ADAM9: variants seen among roughly 807,000 people sequenced by gnomAD.
ADAM9 encodes the protein ADAM metallopeptidase domain 9, also known as disintegrin and metalloproteinase domain-containing protein 9.
Under a neutral mutation model 108.1 loss-of-function variants are expected in ADAM9, and 54 were observed. That is an observed-to-expected ratio of 0.50 (90% confidence interval 0.40 to 0.63). The LOEUF is 0.63. ADAM9 is among the 20% of genes least tolerant of loss of function. ADAM9 has a pLI of 0.00. For missense variants in ADAM9, 830 were observed against 997.7 expected (o/e 0.83, Z 2.26); for synonymous variants, 316 against 336.0 (o/e 0.94, Z 0.65).
intron 4 of ADAM9, chr8:39,015,285 C>G (rs1257216436): frequency 2.6e-5 from 4 of 152,188 alleles, no homozygotes; most frequent in African/African-American, 9.7e-5. Context: ...TTACAAGATG[C>G]TTAGAACAGT....
At chr8:39,017,603 G>C (rs999679985) in intron 6 of ADAM9, among the ~76,000 whole-genome samples, 189 bp downstream of exon 6, 1 of 152,006 alleles carries the variant, frequency 6.6e-6, no homozygotes, top group African/African-American at 2.4e-5. Context: ...CTACCAAGTT[G>C]AGTACAGTTT....
At chr8:39,057,339 A>G (rs1314546755) in intron 14 of ADAM9, among the ~76,000 whole-genome samples, 1 of 148,602 alleles carries the variant, frequency 6.7e-6, no homozygotes, top group African/African-American at 2.4e-5. Flanking sequence ...TCTAATATTT[A>G]TATATAATAT....
chr8:39,058,896 A>G (rs1030267118), intron 14 of ADAM9, among the ~76,000 whole-genome samples: 2 of 152,292 alleles, frequency 1.3e-5, no homozygotes, highest in African/African-American at 4.8e-5. Context: ...GTTATGGGAA[A>G]ATCAGCATTG....
At chr8:39,067,341 G>A (rs2129440784) in intron 14 of ADAM9, among the ~76,000 whole-genome samples, 3 of 152,280 alleles carry the variant, frequency 2.0e-5, no homozygotes, top group Admixed American at 2.0e-4. Flanking sequence ...ATTACCTTGG[G>A]CAGTATGGCC....
rs1018440361 is a variant in ADAM9, at chr8:39,054,380, T to C, written c.1303-101T>C. 1.5e-5 allele frequency: 15 copies of C among 1,025,814 alleles called. No homozygotes were observed. In the East Asian group the frequency reaches 3.3e-4, roughly 23 times the overall value. 63.5% of individuals were successfully genotyped at this position (1,025,814 alleles called of 1,614,324 possible). On this transcript the variant is annotated intron_variant, in intron 12 of 21. Transcript: ENST00000487273. ...TTCTGGAGGGTAACTGCTACAATCATGTTAGAATGAAGTAGATTTTAGGTG... is the reference window on the plus strand; with the variant it reads ...TTCTGGAGGGTAACTGCTACAATCACGTTAGAATGAAGTAGATTTTAGGTG...
At chr8:39,069,227 T>C (rs781771556) in intron 14 of ADAM9, among the ~76,000 whole-genome samples, 12 of 152,112 alleles carry the variant, frequency 7.9e-5, no homozygotes, top group Non-Finnish European at 8.8e-5. Flanking sequence ...CCCAGTTCCA[T>C]TGTCTGTGGG....
intron 18 of ADAM9, among the ~76,000 whole-genome samples, chr8:39,086,240 C>T (rs1307374254): frequency 6.6e-6 from 1 of 152,170 alleles, no homozygotes; most frequent in African/African-American, 2.4e-5. Flanking sequence ...GTCTCAAAGT[C>T]CTGGCCTCAA....
At chr8:39,004,683 G>A (rs1272185867) in intron 1 of ADAM9, among the ~76,000 whole-genome samples, 5 of 152,202 alleles carry the variant, frequency 3.3e-5, no homozygotes, top group Admixed American at 2.0e-4. Context: ...TTGGTTATAT[G>A]CCAAACAAGG....
chr8:39,089,790 A>C, intron 18 of ADAM9: 1 of 456,264 alleles, frequency 2.2e-6, no homozygotes, highest in Non-Finnish European at 4.0e-6. Flanking sequence ...TTGACAGTAG[A>C]AACGTATTTT....
At chr8:39,009,964 A>AAACAAACCC (rs1554572507) in intron 2 of ADAM9, among the ~76,000 whole-genome samples, 6 of 106,528 alleles carry the variant, frequency 5.6e-5, no homozygotes, top group Admixed American at 2.2e-4. Context: ...ACAAAAACAA[A>AAACAAACCC]CCCCCCCCCC....
At chr8:39,013,931 CA>C in intron 3 of ADAM9, 33 bp from the exon 4 acceptor site, 1 of 1,514,066 alleles carries the variant, frequency 6.6e-7, no homozygotes. Context: ...AGATAGATAA[CA>C]TATATATAAA....
Position 39,061,540 on chromosome 8 carries a change from T to C in ADAM9, c.1591+5768T>C, listed in dbSNP as rs1370097254. On this transcript the variant is annotated intron_variant, in intron 14 of 21. Coordinates refer to ENST00000487273, the MANE Select transcript of ADAM9 (RefSeq NM_003816.3). Reference sequence around the variant, plus strand: ...TTTTTCTCAGTGCACAGTGTCTTAGTCTGATCAATTCTGTCTCAGTCTATT... The same window carrying C: ...TTTTTCTCAGTGCACAGTGTCTTAGCCTGATCAATTCTGTCTCAGTCTATT... Among the ~76,000 whole-genome samples, 8 of 152,216 alleles carry C rather than the reference T, an allele frequency of 5.3e-5. No individual in the cohort carries two copies. In the East Asian group the frequency reaches 1.5e-3, roughly 29 times the overall value.
intron 9 of ADAM9, among the ~76,000 whole-genome samples, chr8:39,023,744 T>G (rs1271438827): frequency 3.0e-5 from 4 of 135,066 alleles, no homozygotes; most frequent in African/African-American, 5.7e-5. Context: ...GCGTTTGTTT[T>G]TTTTTTTTTT....
chr8:39,094,994 T>C (rs1297684707), intron 20 of ADAM9, among the ~76,000 whole-genome samples: 1 of 152,172 alleles, frequency 6.6e-6, no homozygotes, highest in African/African-American at 2.4e-5. Context: ...GGTGTAACAT[T>C]AGGTTATTTG....
intron 15 of ADAM9, 62 bp downstream of exon 15, chr8:39,071,465 C>CTTTT (rs34398586): frequency 4.0e-4 from 237 of 590,134 alleles, no homozygotes; most frequent in African/African-American, 1.2e-3. Context: ...TCTCTAGTAT[C>CTTTT]TTTTTTTTTT....
chr8:39,019,931 C>T (rs1466361269), intron 7 of ADAM9, among the ~76,000 whole-genome samples: 1 of 152,206 alleles, frequency 6.6e-6, no homozygotes, highest in African/African-American at 2.4e-5. Flanking sequence ...CTGCCCCAAA[C>T]AGTGGGCAAA....
chr8:39,023,317 G>C lies in ADAM9; in HGVS notation c.906G>C (p.Gln302His), dbSNP rs773222117. The change falls in exon 9 of 22, where the codon CAG becomes CAC. Residue 302 changes from glutamine (Q) to histidine (H), a missense_variant. Around this residue, in one of 3 missense-constraint regions of ADAM9, gnomAD observed 381 missense variants for 539.8 expected, o/e 0.71. Coordinates refer to ENST00000487273, the MANE Select transcript of ADAM9 (RefSeq NM_003816.3). Reference protein sequence around the residue: ...LITRRRHDSAQLVLKKGFGGT... With the variant: ...LITRRRHDSAHLVLKKGFGGT... ...CACGTCGGAGACATGACAGTGCACA[G>C]CTAGTTCTGTAAGTATTTTTTTTTT... 7 of 1,610,318 alleles carry C rather than the reference G, an allele frequency of 4.3e-6. No homozygotes were observed. The Admixed American group carries it at 1.0e-4, about 23-fold the overall frequency.
intron 12 of ADAM9, among the ~76,000 whole-genome samples, chr8:39,045,148 A>G (rs1222957065): frequency 2.8e-5 from 3 of 105,614 alleles, no homozygotes; most frequent in Non-Finnish European, 4.5e-5. Flanking sequence ...ATATGTGTAT[A>G]TATGTGTATA....
At chr8:39,045,699 A>C (rs538564481) in intron 12 of ADAM9, among the ~76,000 whole-genome samples, 1 of 152,056 alleles carries the variant, frequency 6.6e-6, no homozygotes, top group African/African-American at 2.4e-5. Flanking sequence ...CCTTTTTTAC[A>C]TAACGATTTA....
Sources: allele counts gnomAD v4.1 joint callset (sites outside exome capture counted in the v4.1 genomes callset), GRCh38; gene constraint gnomAD v4.1.1; regional missense constraint gnomAD v4.1.1; transcripts MANE v1.5; gene names NCBI Gene and HGNC (gene_info 2026-07-23, HGNC 2026-07-21).